The following FBXO32 variants were observed in gnomAD, a reference collection of about 807,000 sequenced individuals.
FBXO32 encodes F-box only protein 32.
A neutral mutation model predicts 48.3 loss-of-function variants in FBXO32; 15 were observed. The observed-to-expected ratio is 0.31, with a 90% CI of 0.21 to 0.48. The LOEUF (loss-of-function observed/expected upper bound fraction) is 0.48. Ranked by LOEUF, FBXO32 falls within the 20% of genes least tolerant of loss-of-function variation. FBXO32 has a pLI of 0.99. For synonymous variants in FBXO32, 154 were observed against 165.9 expected (o/e 0.93, Z 0.55); for missense variants, 309 against 432.7 (o/e 0.71, Z 2.54).
chr8:123,517,455 C>T (rs540423652), intron 4 of FBXO32, among the ~76,000 whole-genome samples: 2 of 149,312 alleles, frequency 1.3e-5, no homozygotes, highest in Admixed American at 6.7e-5. Flanking sequence ...TTCATCCTAT[C>T]TCAAGGGAAA....
intron 7 of FBXO32, among the ~76,000 whole-genome samples, chr8:123,505,456 C>T (rs1246322748): frequency 1.5e-5 from 2 of 137,384 alleles, no homozygotes; most frequent in Non-Finnish European, 3.1e-5. Context: ...CTCTACCACA[C>T]AGGGTGCGGT....
chr8:123,528,377 C>T (rs62521279), intron 4 of FBXO32, among the ~76,000 whole-genome samples: 3,514 of 152,346 alleles, frequency 0.023, 62 homozygotes, highest in Non-Finnish European at 0.038. Context: ...TCCAGTCTGA[C>T]TGGCTTGGCC....
rs1455631990 is a variant in FBXO32, at chr8:123,506,352, A to C, written c.834+40T>G. ...CAAGGAAGTTTGGGGTGAGGGCCAG[A>C]GAAGGAGGGTGGGAGGAAAGCCCAC... is the stretch of plus-strand genomic sequence containing the variant. On this transcript the variant is annotated intron_variant, in intron 7 of 8. Coordinates refer to ENST00000517956, the MANE Select transcript of FBXO32 (RefSeq NM_058229.4). This position sits in a 1 kb window ranked among gnomAD's most constrained non-coding sequence, Gnocchi z 4.0. The C allele has an allele frequency of 6.2e-7, 1 of 1,605,268 alleles. No individual in the cohort carries two copies. Among genetic ancestry groups the C allele is most frequent in the Admixed American group, 1.7e-5 (1 of 59,276 alleles).
At chr8:123,520,536 G>A (rs568431660) in intron 4 of FBXO32, among the ~76,000 whole-genome samples, 12 of 152,244 alleles carry the variant, frequency 7.9e-5, no homozygotes, top group South Asian at 4.1e-4. Context: ...TGGAGGCAAC[G>A]AATAGGAGAC....
At chr8:123,518,389 G>A (rs1816882009) in intron 4 of FBXO32, among the ~76,000 whole-genome samples, 1 of 152,200 alleles carries the variant, frequency 6.6e-6, no homozygotes, top group South Asian at 2.1e-4. Context: ...ACAGGGCAAA[G>A]TGCAACCCAT....
At chr8:123,529,483 C>T (rs189750896) in intron 4 of FBXO32, among the ~76,000 whole-genome samples, 47 of 152,270 alleles carry the variant, frequency 3.1e-4, no homozygotes, top group Admixed American at 2.2e-3. Context: ...CCAGCTACCC[C>T]GGGAAGTTGA....
chr8:123,512,396 TCAG>T (rs892676569), intron 6 of FBXO32, among the ~76,000 whole-genome samples: 91 of 152,314 alleles, frequency 6.0e-4, no homozygotes, highest in African/African-American at 2.1e-3. Flanking sequence ...TCAAACTTTA[TCAG>T]TGTGGGTCCC....
At chr8:123,517,622 G>C (rs1234298219) in intron 4 of FBXO32, among the ~76,000 whole-genome samples, 1 of 151,526 alleles carries the variant, frequency 6.6e-6, no homozygotes, top group African/African-American at 2.4e-5. Context: ...CCCTGTGCTA[G>C]CATCGTGGTA....
At chr8:123,504,800 G>C in intron 7 of FBXO32, 53 bp from the exon 8 acceptor site, 1 of 1,574,554 alleles carries the variant, frequency 6.4e-7, no homozygotes, top group Non-Finnish European at 8.7e-7. Context: ...CAAGAAGATG[G>C]CTTGTGGTTT....
At chr8:123,534,123 A>AAAAAAAAAAAAAACACC (rs1817265417) in intron 2 of FBXO32, among the ~76,000 whole-genome samples, 4 of 56,130 alleles carry the variant, frequency 7.1e-5, no homozygotes, top group African/African-American at 2.1e-4. Context: ...AAAAAACACC[A>AAAAAAAAAAAAAACACC]AAAAAAAAAA....
At chr8:123,519,751 T>G (rs1214946171) in intron 4 of FBXO32, among the ~76,000 whole-genome samples, 1 of 152,050 alleles carries the variant, frequency 6.6e-6, no homozygotes, top group East Asian at 1.9e-4. Flanking sequence ...TAGTGATGTA[T>G]GGAACTAGTA....
intron 7 of FBXO32, among the ~76,000 whole-genome samples, chr8:123,505,789 T>C (rs1422053532): frequency 6.6e-6 from 1 of 152,154 alleles, no homozygotes; most frequent in African/African-American, 2.4e-5. Flanking sequence ...ATGTAAGTTA[T>C]TGTGTTATAG....
In FBXO32 at chr8:123,503,149, A is replaced by C. The variant is rs1047799958; in HGVS notation, c.*224T>G. On this transcript the variant is annotated 3_prime_UTR_variant, in exon 9 of 9. Transcript: ENST00000517956. ...ATTGTTAGAAAAAAAGTTTATTTAC[A>C]GTATTTTGCTTTTCCATACCAATTC... The C allele has an allele frequency of 7.7e-6, 3 of 390,866 alleles. No individual in the cohort carries two copies. In the East Asian group the frequency reaches 1.3e-4, roughly 17 times the overall value. The allele number at this position is 390,866 out of a possible 1,614,324, so 24.2% of individuals were successfully genotyped here.
chr8:123,539,256 C>A (rs1817367511), intron 1 of FBXO32, among the ~76,000 whole-genome samples: 1 of 152,088 alleles, frequency 6.6e-6, no homozygotes, highest in Non-Finnish European at 1.5e-5. Context: ...CTCTTCAGAC[C>A]CTTTCGGCAC....
Position 123,506,535 on chromosome 8 carries a change from A to C in FBXO32, c.691T>G (p.Cys231Gly). 3.7e-6 allele frequency: 6 copies of C among 1,609,166 alleles called. No individual in the cohort carries two copies. The highest frequency in any genetic ancestry group is 5.1e-6 in the Non-Finnish European group (6 of 1,176,250). Reference protein sequence around the residue: ...KGLTFTDLPLCLQLNIMQRLS... With the variant: ...KGLTFTDLPLGLQLNIMQRLS... ...CTCTGCATGATGTTCAGTTGTAGGC[A>C]CAAAGGCAGGTCAGTGAAGGTGAGG... is the stretch of plus-strand genomic sequence containing the variant. The change falls in exon 7 of 9, where the codon TGC (cysteine) becomes GGC (glycine). Residue 231 changes from cysteine (C) to glycine (G), a missense_variant. Transcript: ENST00000517956. The surrounding 1 kb of genome is among the most constrained non-coding windows in gnomAD (Gnocchi z 4.0).
intron 2 of FBXO32, 31 bp downstream of exon 2, chr8:123,534,671 T>A (rs765152583): frequency 3.7e-5 from 55 of 1,472,634 alleles, no homozygotes; most frequent in Non-Finnish European, 4.9e-5. Context: ...TTCAAACAGC[T>A]TTTTTCTGAA....
chr8:123,518,094 G>A (rs1816876209), intron 4 of FBXO32, among the ~76,000 whole-genome samples: 1 of 152,088 alleles, frequency 6.6e-6, no homozygotes, highest in African/African-American at 2.4e-5. Flanking sequence ...GCAGGTGGAG[G>A]GCCAGATTTG....
intron 7 of FBXO32, among the ~76,000 whole-genome samples, chr8:123,505,735 C>CA (rs1816603322): frequency 6.6e-6 from 1 of 151,710 alleles, no homozygotes; most frequent in South Asian, 2.1e-4. Context: ...GATTCCATCT[C>CA]AAAAAACAAA....
chr8:123,529,934 C>T (rs1004471498), intron 4 of FBXO32, among the ~76,000 whole-genome samples: 1 of 152,184 alleles, frequency 6.6e-6, no homozygotes, highest in Non-Finnish European at 1.5e-5. Flanking sequence ...ATCTAAGTGT[C>T]TTCCTCTAAT....
Sources: gnomAD v4.1 joint callset for allele counts (sites outside exome capture counted in the v4.1 genomes callset) on GRCh38, gnomAD v4.1.1 for gene constraint, Gnocchi (gnomAD v3.1) non-coding constraint, MANE v1.5 for transcripts, NCBI Gene and HGNC (gene_info 2026-07-23, HGNC 2026-07-21) for gene names.